The following ABCG2 variants were observed in gnomAD, a reference collection of about 807,000 sequenced individuals.
ABCG2 encodes broad substrate specificity ATP-binding cassette transporter ABCG2.
Under a neutral mutation model 73.5 loss-of-function variants are expected in ABCG2, and 80 were observed. The observed-to-expected ratio is 1.09, with a 90% CI of 0.91 to 1.31. The LOEUF (loss-of-function observed/expected upper bound fraction) is 1.31. Among genes scored for constraint, ABCG2 ranks in the 50% most tolerant of loss-of-function variants. The probability of loss-of-function intolerance (pLI) is 0.00; values close to 1 mark genes in which losing one functional copy is unlikely to be tolerated. For missense variants in ABCG2, 796 were observed against 786.2 expected, an observed-to-expected ratio of 1.01 and a Z score of -0.15; for synonymous variants, 269 against 282.4, an observed-to-expected ratio of 0.95 and a Z score of 0.48.
rs1012607910 is a variant in ABCG2, at chr4:88,131,898, C to A, written c.283G>T (p.Ala95Ser). 6.2e-7 allele frequency: 1 copy of A among 1,613,742 alleles called. No homozygotes were observed. Among genetic ancestry groups the A allele is most frequent in the Non-Finnish European group, 8.5e-7 (1 of 1,179,764 alleles). Reference sequence around the variant, plus strand: ...GATAATCCACTTGGATCTTTCCTTGCAGCTAAGACATCTAATAACCTATAA... The same window carrying A: ...GATAATCCACTTGGATCTTTCCTTGAAGCTAAGACATCTAATAACCTATAA... ...GKSSLLDVLA[A>S]RKDPSGLSGD... The change falls in exon 4 of 16, where the codon GCA becomes TCA. Residue 95 changes from alanine (A) to serine (S), a missense_variant. Coordinates refer to ENST00000237612, the MANE Select transcript of ABCG2 (RefSeq NM_004827.3).
intron 1 of ABCG2, among the ~76,000 whole-genome samples, chr4:88,182,273 G>C (rs535503907): frequency 4.6e-5 from 7 of 152,232 alleles, no homozygotes; most frequent in African/African-American, 1.4e-4. Context: ...TAGAGCTAAA[G>C]AGAGAAATAC....
At chr4:88,193,869 C>T (rs1185762338) in intron 1 of ABCG2, among the ~76,000 whole-genome samples, 5 of 152,232 alleles carry the variant, frequency 3.3e-5, no homozygotes, top group Non-Finnish European at 5.9e-5. Flanking sequence ...CTCAGCCTCC[C>T]GAGTAGCTGG....
At chr4:88,155,598 C>T (rs1013357995) in intron 1 of ABCG2, among the ~76,000 whole-genome samples, 5 of 152,178 alleles carry the variant, frequency 3.3e-5, no homozygotes, top group African/African-American at 1.2e-4. Context: ...TTTTATTATA[C>T]ATAAAAAGTT....
intron 1 of ABCG2, among the ~76,000 whole-genome samples, chr4:88,214,647 C>A (rs1210483231): frequency 1.3e-5 from 2 of 151,894 alleles, no homozygotes; most frequent in Admixed American, 6.6e-5. Context: ...ATCACTTGAG[C>A]CCAGGAGTTC....
chr4:88,131,084 G>A lies in ABCG2; in HGVS notation c.508C>T (p.Leu170=), dbSNP rs758130287. Residue 170 remains leucine (L), a synonymous_variant, in exon 5 of 16, where the codon CTG becomes TTG. Transcript: ENST00000237612. ...ACCTTGGAGTCTGCCACTTTATCCAGACCTAACTCTTGAATGACCCTGTTA... is the reference window on the plus strand; with the variant it reads ...ACCTTGGAGTCTGCCACTTTATCCAAACCTAACTCTTGAATGACCCTGTTA... The part of the protein sequence containing the change: ...RINRVIQELG[L]DKVADSKVGT... 9.9e-6 allele frequency: 16 copies of A among 1,613,822 alleles called. No homozygotes were observed. Among genetic ancestry groups the A allele is most frequent in the South Asian group, 1.1e-5 (1 of 91,072 alleles).
chr4:88,209,489 T>C (rs1578280237), intron 1 of ABCG2, among the ~76,000 whole-genome samples: 1 of 151,414 alleles, frequency 6.6e-6, no homozygotes, highest in South Asian at 2.1e-4. Flanking sequence ...CATGGTGAAA[T>C]CCCATCTCTA....
At chr4:88,153,474 G>A (rs958824792) in intron 1 of ABCG2, among the ~76,000 whole-genome samples, 100 of 147,250 alleles carry the variant, frequency 6.8e-4, no homozygotes, top group African/African-American at 2.1e-3. Context: ...TAAGTTGGTG[G>A]CTGAGCTTGG....
Position 88,131,054 on chromosome 4 carries a change from A to T in ABCG2, c.531+7T>A. 1 of 1,613,684 alleles carries T rather than the reference A, an allele frequency of 6.2e-7. No homozygotes were observed. The highest frequency in any genetic ancestry group is 1.1e-5 in the South Asian group (1 of 91,030). ...TGATCATGATGCTTTCAGTTTTTCCACATTACCTTGGAGTCTGCCACTTTA... is the reference window on the plus strand; with the variant it reads ...TGATCATGATGCTTTCAGTTTTTCCTCATTACCTTGGAGTCTGCCACTTTA... On this transcript the variant is annotated splice_region_variant and intron_variant, in intron 5 of 15. Coordinates refer to ENST00000237612, the MANE Select transcript of ABCG2 (RefSeq NM_004827.3).
chr4:88,137,371 A>C (rs1048721135), intron 2 of ABCG2, among the ~76,000 whole-genome samples: 1 of 152,184 alleles, frequency 6.6e-6, no homozygotes, highest in Non-Finnish European at 1.5e-5. Context: ...GGAGTTCTGG[A>C]ATAATGTCAG....
At chr4:88,103,540 AT>A (rs1346806617) in intron 10 of ABCG2, among the ~76,000 whole-genome samples, 2 of 152,260 alleles carry the variant, frequency 1.3e-5, no homozygotes, top group Non-Finnish European at 2.9e-5. Flanking sequence ...AATCAAGCTA[AT>A]TAACACATCC....
rs563542978 is a variant in ABCG2, at chr4:88,158,566, C to T, written c.-200G>A. 2.2e-6 allele frequency: 1 copy of T among 456,456 alleles called. No individual in the cohort carries two copies. The highest frequency in any genetic ancestry group is 2.3e-5 in the Admixed American group (1 of 42,584). 28.3% of individuals were successfully genotyped at this position (456,456 alleles called of 1,614,324 possible). A position where few individuals can be genotyped will look rare whatever the true frequency, so the allele number is the denominator to read the frequency against. On this transcript the variant is annotated 5_prime_UTR_variant, in exon 1 of 16. Coordinates refer to ENST00000237612, the MANE Select transcript of ABCG2 (RefSeq NM_004827.3). ...CACCAAGCATGTGCACGGTGCGTTC[C>T]TAAATCCTACCCAGTTCCTCCACAG...
intron 1 of ABCG2, among the ~76,000 whole-genome samples, chr4:88,208,723 A>G (rs1336516629): frequency 6.6e-6 from 1 of 152,194 alleles, no homozygotes; most frequent in African/African-American, 2.4e-5. Flanking sequence ...TTAATTTAAA[A>G]AACTGAACTT....
At chr4:88,109,231 C>T (rs144778023) in intron 9 of ABCG2, among the ~76,000 whole-genome samples, 1 of 152,202 alleles carries the variant, frequency 6.6e-6, no homozygotes, top group Non-Finnish European at 1.5e-5. Flanking sequence ...AACTCCTGAC[C>T]TCATGATCTG....
intron 9 of ABCG2, 124 bp downstream of exon 9, chr4:88,113,179 T>C (rs1723257986): frequency 6.2e-6 from 8 of 1,292,982 alleles, no homozygotes; most frequent in Non-Finnish European, 6.4e-6. Flanking sequence ...TGGTTCTATA[T>C]CCCAGGTGGA....
chr4:88,211,356 CT>C (rs377695022), intron 1 of ABCG2, among the ~76,000 whole-genome samples: 1 of 52,592 alleles, frequency 1.9e-5, no homozygotes. Context: ...TGTTCAACCC[CT>C]GCCCCACCCC....
intron 5 of ABCG2, among the ~76,000 whole-genome samples, chr4:88,122,903 A>G (rs1351341064): frequency 1.3e-5 from 2 of 152,146 alleles, no homozygotes; most frequent in Non-Finnish European, 1.5e-5. Flanking sequence ...CAGACACTTC[A>G]TACAGGAGAG....
At chr4:88,197,584 T>C (rs1214253819) in intron 1 of ABCG2, among the ~76,000 whole-genome samples, 1 of 152,074 alleles carries the variant, frequency 6.6e-6, no homozygotes, top group Non-Finnish European at 1.5e-5. Context: ...GCGACTGCAC[T>C]CCAGCCTGAG....
At chr4:88,194,184 T>A (rs1007325704) in intron 1 of ABCG2, among the ~76,000 whole-genome samples, 7 of 152,180 alleles carry the variant, frequency 4.6e-5, no homozygotes, top group African/African-American at 1.7e-4. Context: ...GGACTGGAGT[T>A]CCTGTAGCTA....
At chr4:88,199,868 G>A (rs995021586) in intron 1 of ABCG2, among the ~76,000 whole-genome samples, 8 of 152,212 alleles carry the variant, frequency 5.3e-5, no homozygotes, top group African/African-American at 1.9e-4. Context: ...GGGCGTGGTC[G>A]TGGGTGCCTG....
Sources: gnomAD v4.1 joint callset for allele counts (sites outside exome capture counted in the v4.1 genomes callset) on GRCh38, gnomAD v4.1.1 for gene constraint, MANE v1.5 for transcripts, NCBI Gene and HGNC (gene_info 2026-07-23, HGNC 2026-07-21) for gene names.